RGS6: variants seen among roughly 807,000 people sequenced by gnomAD.
The protein encoded by RGS6 is regulator of G protein signaling 6.
A neutral mutation model predicts 78.5 loss-of-function variants in RGS6; 30 were observed. That is an observed-to-expected ratio of 0.38 (90% CI 0.29 to 0.52). The LOEUF (loss-of-function observed/expected upper bound fraction) is 0.52, where lower values mean the gene tolerates loss of function less well. Ranked by LOEUF, RGS6 falls within the 20% of genes least tolerant of loss-of-function variation. The pLI, the probability that RGS6 is intolerant of heterozygous loss-of-function variation, is 0.85. For synonymous variants in RGS6, 206 were observed against 206.0 expected (o/e 1.00, Z 0.00); for missense variants, 495 against 609.7 (o/e 0.81, Z 1.98).
chr14:72,199,818 A>G (rs908842722), intron 2 of RGS6, among the ~76,000 whole-genome samples: 2 of 152,220 alleles, frequency 1.3e-5, no homozygotes, highest in African/African-American at 2.4e-5. Flanking sequence ...TCAGCAAACT[A>G]TGGCCCATGG....
At chr14:72,242,924 C>T (rs1479431341) in intron 2 of RGS6, among the ~76,000 whole-genome samples, 2 of 124,970 alleles carry the variant, frequency 1.6e-5, no homozygotes, top group Non-Finnish European at 3.1e-5. Flanking sequence ...TCTCGGCTCA[C>T]TGTAACCTCT....
intron 2 of RGS6, among the ~76,000 whole-genome samples, chr14:72,186,560 A>T (rs1178559733): frequency 6.6e-6 from 1 of 152,070 alleles, no homozygotes; most frequent in African/African-American, 2.4e-5. Context: ...GAGGTGACCT[A>T]TTTCTGTCTG....
chr14:72,438,681 C>T (rs911964650), intron 3 of RGS6, among the ~76,000 whole-genome samples: 3 of 152,228 alleles, frequency 2.0e-5, no homozygotes, highest in African/African-American at 7.2e-5. Context: ...CACCTGTGCC[C>T]AACCAGCCTT....
At chr14:72,412,951 A>G (rs186113592) in intron 3 of RGS6, among the ~76,000 whole-genome samples, 6,660 of 151,848 alleles carry the variant, frequency 0.044, 170 homozygotes, top group East Asian at 0.29. Context: ...TATAATTTCT[A>G]TTCTTTTACA....
chr14:72,345,831 G>A (rs745581615), intron 2 of RGS6, among the ~76,000 whole-genome samples: 4 of 152,202 alleles, frequency 2.6e-5, no homozygotes, highest in East Asian at 1.9e-4. Context: ...GTTGAAAATC[G>A]CAATGCATTG....
At chr14:71,878,030 A>G in the RGS6 span, among the ~76,000 whole-genome samples, 2 of 152,272 alleles carry the variant, frequency 1.3e-5, no homozygotes, top group East Asian at 1.9e-4. Flanking sequence ...TTGCTGCCTG[A>G]TAGTTCCTCT....
intron 2 of RGS6, among the ~76,000 whole-genome samples, chr14:72,043,317 A>G (rs1339990371): frequency 2.6e-5 from 4 of 152,098 alleles, no homozygotes; most frequent in African/African-American, 7.2e-5. Context: ...CACCATCCAG[A>G]TATTAATCAC....
intron 2 of RGS6, among the ~76,000 whole-genome samples, chr14:71,966,993 T>C (rs2093559187): frequency 6.6e-6 from 1 of 151,912 alleles, no homozygotes; most frequent in Admixed American, 6.6e-5. Context: ...TCTACTAGAA[T>C]GTTTGTATTA....
intron 1 of RGS6, among the ~76,000 whole-genome samples, chr14:71,936,436 C>T (rs555466318): frequency 2.6e-5 from 4 of 152,114 alleles, no homozygotes; most frequent in East Asian, 3.9e-4. Flanking sequence ...CTCTTTTGGG[C>T]AACACCCACA....
At chr14:71,900,653 T>C in the RGS6 span, among the ~76,000 whole-genome samples, 1 of 152,188 alleles carries the variant, frequency 6.6e-6, no homozygotes, top group Non-Finnish European at 1.5e-5. Context: ...GAATCTTTGG[T>C]TCCTTCACTT....
chr14:72,047,892 A>AT lies in RGS6; in HGVS notation c.84+83022dup, dbSNP rs1470612017. Among the ~76,000 whole-genome samples, 288 of 83,108 alleles carry AT rather than the reference A, an allele frequency of 3.5e-3. 8 individuals carry two copies. The highest frequency in any genetic ancestry group is 0.014 in the Middle Eastern group (2 of 138). The allele number at this position is 83,108 out of a possible 152,430, so 54.5% of individuals were successfully genotyped here. The stretch of plus-strand genomic sequence containing the variant: ...AGGCATGTGCCACTATGCCCAGCTA[A>AT]TTTTTGTTTTTTTTTTTTTTTTTTT... On this transcript the variant is annotated intron_variant, in intron 2 of 17. Transcript: ENST00000553525.
the RGS6 span, among the ~76,000 whole-genome samples, chr14:71,894,562 T>C: frequency 6.6e-6 from 1 of 152,178 alleles, no homozygotes; most frequent in Non-Finnish European, 1.5e-5. Context: ...GCCTTTGCTT[T>C]GCACTAAGGA....
intron 3 of RGS6, among the ~76,000 whole-genome samples, chr14:72,414,512 T>C (rs1289381334): frequency 1.3e-5 from 2 of 148,310 alleles, no homozygotes; most frequent in African/African-American, 4.9e-5. Context: ...TGGTTCGAAC[T>C]TCCTCCTTTA....
intron 2 of RGS6, among the ~76,000 whole-genome samples, chr14:72,056,683 T>A (rs774989367): frequency 6.6e-6 from 1 of 152,198 alleles, no homozygotes; most frequent in Non-Finnish European, 1.5e-5. Context: ...TTCCCTCCCC[T>A]GCCACCCCAC....
At chr14:72,292,757 C>G (rs1202133596) in intron 2 of RGS6, among the ~76,000 whole-genome samples, 1 of 152,218 alleles carries the variant, frequency 6.6e-6, no homozygotes, top group Non-Finnish European at 1.5e-5. Flanking sequence ...AGTGCATCCC[C>G]TGGAAGGAGG....
At chr14:72,004,158 A>G (rs1010812560) in intron 2 of RGS6, among the ~76,000 whole-genome samples, 1 of 152,226 alleles carries the variant, frequency 6.6e-6, no homozygotes, top group Non-Finnish European at 1.5e-5. Context: ...GGGAGTCAGC[A>G]TAGTATACAT....
chr14:72,352,050 A>G (rs2079196075), intron 2 of RGS6, 45 bp from the exon 3 acceptor site: 1 of 1,416,362 alleles, frequency 7.1e-7, no homozygotes, highest in Non-Finnish European at 9.8e-7. Context: ...ATTTATAATT[A>G]CATTATGGGA....
chr14:72,302,532 C>T (rs922371523), intron 2 of RGS6, among the ~76,000 whole-genome samples: 3 of 152,186 alleles, frequency 2.0e-5, no homozygotes, highest in Non-Finnish European at 4.4e-5. Flanking sequence ...TTTTAGAATA[C>T]TTATTGGAAA....
chr14:72,033,745 GTC>G (rs1254717130), intron 2 of RGS6, among the ~76,000 whole-genome samples: 61 of 152,182 alleles, frequency 4.0e-4, no homozygotes, highest in Non-Finnish European at 2.8e-4. Flanking sequence ...GTTGAGGACT[GTC>G]TGTATATCTA....
Sources: gnomAD v4.1 joint callset for allele counts (sites outside exome capture counted in the v4.1 genomes callset) on GRCh38, gnomAD v4.1.1 for gene constraint, MANE v1.5 for transcripts, NCBI Gene and HGNC (gene_info 2026-07-23, HGNC 2026-07-21) for gene names.